DST: variants seen among roughly 807,000 people sequenced by gnomAD.
The protein encoded by DST is bullous pemphigoid antigen.
DST carries 253 observed loss-of-function variants against 875.2 expected under a neutral mutation model. That is an observed-to-expected ratio of 0.29 (90% confidence interval 0.26 to 0.32). The LOEUF (loss-of-function observed/expected upper bound fraction) is 0.32, where lower values mean the gene tolerates loss of function less well. Among genes scored for constraint, DST ranks in the 10% least tolerant of loss-of-function variants. The pLI, the probability that DST is intolerant of heterozygous loss-of-function variation, is 1.00. For missense variants in DST, 8,287 were observed against 9,111.6 expected, an observed-to-expected ratio of 0.91 and a Z score of 3.68; for synonymous variants, 3,124 against 3,197.1, an observed-to-expected ratio of 0.98 and a Z score of 0.77.
At chr6:56,550,644 G>A (rs1436163276) in intron 61 of DST, among the ~76,000 whole-genome samples, 1 of 152,158 alleles carries the variant, frequency 6.6e-6, no homozygotes, top group African/African-American at 2.4e-5. Context: ...TGTCTTACAA[G>A]TAGTTAGAAA....
At position 56,654,586 on chromosome 6, in the gene DST, C is replaced by CTATATA. The variant is rs138507484; in HGVS notation, c.1215-3348_1215-3343dup. ...TCTTAAAAGAGCAATCTCCCCTAGG[C>CTATATA]TATATATATATATATATATCTCCAC... On this transcript the variant is annotated intron_variant, in intron 10 of 103. Coordinates refer to ENST00000680361, the MANE Select transcript of DST (RefSeq NM_001374736.1). Among the ~76,000 whole-genome samples the CTATATA allele has an allele frequency of 1.5e-3, 197 of 133,322 alleles. 13 individuals carry two copies. Among genetic ancestry groups the CTATATA allele is most frequent in the African/African-American group, 6.3e-3 (182 of 29,036 alleles). 87.5% of individuals were successfully genotyped at this position (133,322 alleles called of 152,430 possible).
intron 36 of DST, chr6:56,615,660 T>A: frequency 6.2e-7 from 1 of 1,614,108 alleles, no homozygotes; most frequent in Non-Finnish European, 8.5e-7. Context: ...GGGCATATTA[T>A]ATTTCTGACA....
At position 56,714,893 on chromosome 6, in the gene DST, A is replaced by G. The variant is rs1306918720; in HGVS notation, c.688-10524T>C. 1.3e-5 allele frequency among the ~76,000 whole-genome samples: 2 copies of G among 152,110 alleles called. No homozygotes were observed. The highest frequency in any genetic ancestry group is 2.4e-5 in the African/African-American group (1 of 41,416). ...GATGGTTTCCTTCTTCTGCACTCCC[A>G]TATTCTTTGGATTATACCAGTACAC... On this transcript the variant is annotated intron_variant, in intron 5 of 103. Transcript: ENST00000680361. This position sits in a 1 kb window ranked among gnomAD's most constrained non-coding sequence, Gnocchi z 4.5.
intron 39 of DST, among the ~76,000 whole-genome samples, chr6:56,609,830 G>A (rs1424839681): frequency 1.3e-5 from 2 of 152,080 alleles, no homozygotes; most frequent in Non-Finnish European, 2.9e-5. Context: ...CCCAAAATGT[G>A]ACAAATTATG....
At chr6:56,910,903 T>C (rs1798589137) in intron 2 of DST, among the ~76,000 whole-genome samples, 1 of 152,204 alleles carries the variant, frequency 6.6e-6, no homozygotes, top group South Asian at 2.1e-4. Context: ...ATTTAAACAA[T>C]CAGAGAGCCT....
At chr6:56,554,186 A>C (rs959776072) in intron 60 of DST, among the ~76,000 whole-genome samples, 17 of 141,806 alleles carry the variant, frequency 1.2e-4, no homozygotes, top group African/African-American at 4.5e-4. Flanking sequence ...CTGGGTTCAC[A>C]CCATTCTCCT....
chr6:56,674,751 A>G (rs1288127748), intron 9 of DST, among the ~76,000 whole-genome samples: 3 of 152,250 alleles, frequency 2.0e-5, no homozygotes, highest in Non-Finnish European at 4.4e-5. Flanking sequence ...CACTGATGAA[A>G]GAAATTAGTC....
intron 61 of DST, among the ~76,000 whole-genome samples, chr6:56,542,150 A>G (rs888808072): frequency 1.3e-5 from 2 of 152,218 alleles, no homozygotes; most frequent in African/African-American, 4.8e-5. Context: ...TATTGTTCAC[A>G]TCAAGGCACA....
chr6:56,623,375 A>G (rs1167652165), intron 36 of DST, among the ~76,000 whole-genome samples: 1 of 152,214 alleles, frequency 6.6e-6, no homozygotes, highest in Non-Finnish European at 1.5e-5. Context: ...CTCAAAAACT[A>G]AAAATATAAG....
chr6:56,538,126 C>T (rs1359736190), intron 61 of DST, among the ~76,000 whole-genome samples: 1 of 152,078 alleles, frequency 6.6e-6, no homozygotes, highest in Non-Finnish European at 1.5e-5. Flanking sequence ...GGGACCACAG[C>T]TGCATGTCAC....
intron 9 of DST, among the ~76,000 whole-genome samples, chr6:56,685,688 C>T (rs2099180709): frequency 6.6e-6 from 1 of 152,066 alleles, no homozygotes; most frequent in African/African-American, 2.4e-5. Flanking sequence ...AGGAGAATCA[C>T]TTGAAGAGCA....
chr6:56,557,290 C>A, intron 59 of DST, 29 bp downstream of exon 59: 1 of 1,591,808 alleles, frequency 6.3e-7, no homozygotes, highest in Non-Finnish European at 8.5e-7. Flanking sequence ...TTGCTATGCA[C>A]GAGAGACAGG....
At chr6:56,721,480 A>T (rs918563840) in intron 5 of DST, among the ~76,000 whole-genome samples, 1 of 152,162 alleles carries the variant, frequency 6.6e-6, no homozygotes, top group African/African-American at 2.4e-5. Context: ...CAGGCATAGG[A>T]AATTATAAAA....
chr6:56,578,858 C>A lies in DST; in HGVS notation c.12983G>T (p.Arg4328Met). Residue 4328 changes from arginine to methionine, a missense_variant, in exon 50 of 104, where the codon AGG becomes ATG. Physicochemically the swap from Arg to Met is moderately conservative, Grantham distance 91. Coordinates refer to ENST00000680361, the MANE Select transcript of DST (RefSeq NM_001374736.1). The part of the protein sequence containing the change: ...KKTAEVLLDA[R>M]GSLLPAKNDI... Reference sequence around the variant, plus strand: ...ATTCTTGGCTGGAAGTAAAGATCCCCTGGCATCTAAAAGCACTTCAGCCGT... The same window carrying A: ...ATTCTTGGCTGGAAGTAAAGATCCCATGGCATCTAAAAGCACTTCAGCCGT... 1 of 1,611,440 alleles carries A rather than the reference C, an allele frequency of 6.2e-7. No individual in the cohort carries two copies. Among genetic ancestry groups the A allele is most frequent in the South Asian group, 1.1e-5 (1 of 90,310 alleles).
intron 39 of DST, 147 bp from the exon 40 acceptor site, chr6:56,609,491 A>C (rs2098526511): frequency 1.6e-6 from 1 of 631,260 alleles, no homozygotes; most frequent in Non-Finnish European, 2.8e-6. Flanking sequence ...TGTGAATGTT[A>C]GGCAGTTCAA....
At chr6:56,625,992 C>A (rs113728473) in intron 34 of DST, among the ~76,000 whole-genome samples, 2,971 of 141,636 alleles carry the variant, frequency 0.021, 83 homozygotes, top group African/African-American at 0.074. Flanking sequence ...AAAAAAAAAC[C>A]AAAAATTAAA....
chr6:56,506,050 T>C lies in DST; in HGVS notation c.19464+393A>G, dbSNP rs897779188. ...AGTTAAACTTGGTGATATTTTTAGATAGTGTTTACTCCTTTCATCTTATTC... is the reference window on the plus strand; with the variant it reads ...AGTTAAACTTGGTGATATTTTTAGACAGTGTTTACTCCTTTCATCTTATTC... On this transcript the variant is annotated intron_variant, in intron 77 of 103. Coordinates refer to ENST00000680361, the MANE Select transcript of DST (RefSeq NM_001374736.1). Among the ~76,000 whole-genome samples the C allele has an allele frequency of 1.8e-4, 28 of 152,218 alleles. 2 individuals are homozygous for C. The highest frequency in any genetic ancestry group is 8.8e-5 in the Non-Finnish European group (6 of 68,020).
intron 78 of DST, among the ~76,000 whole-genome samples, chr6:56,502,281 C>A (rs770521404): frequency 6.6e-6 from 1 of 152,110 alleles, no homozygotes; most frequent in Non-Finnish European, 1.5e-5. Flanking sequence ...AACAGGTTAG[C>A]AAACAGTTGC....
Position 56,616,601 on chromosome 6 carries a change from G to C in DST, c.4930-2117C>G, listed in dbSNP as rs777386802. 5.0e-6 allele frequency: 8 copies of C among 1,614,000 alleles called. No individual in the cohort carries two copies. In the South Asian group the frequency reaches 8.8e-5, roughly 18 times the overall value. On this transcript the variant is annotated intron_variant, in intron 36 of 103. Transcript: ENST00000680361. ...GTTATTGGGATTAGGGAAAACTCTT[G>C]TGTTGCTGGATGGCTCATGTAAAAA... is the stretch of plus-strand genomic sequence containing the variant.
Sources: gnomAD v4.1 joint callset for allele counts (sites outside exome capture counted in the v4.1 genomes callset) on GRCh38, gnomAD v4.1.1 for gene constraint, Gnocchi (gnomAD v3.1) non-coding constraint, MANE v1.5 for transcripts, NCBI Gene and HGNC (gene_info 2026-07-23, HGNC 2026-07-21) for gene names.